CDON: variants seen among roughly 807,000 people sequenced by gnomAD.
CDON encodes the protein cell adhesion associated, oncogene regulated.
Under a neutral mutation model 120.9 loss-of-function variants are expected in CDON, and 73 were observed. The ratio of observed to expected loss-of-function variants is 0.60; its 90% CI spans 0.50 to 0.73. CDON has a LOEUF of 0.73. Among genes scored for constraint, CDON ranks in the 30% least tolerant of loss-of-function variants. The pLI, the probability that CDON is intolerant of heterozygous loss-of-function variation, is 0.00. For synonymous variants in CDON, 566 were observed against 573.5 expected, an observed-to-expected ratio of 0.99 and a Z score of 0.19; for missense variants, 1,470 against 1,587.3, an observed-to-expected ratio of 0.93 and a Z score of 1.26.
intron 8 of CDON, among the ~76,000 whole-genome samples, chr11:126,007,692 C>CT (rs1433618311): frequency 6.6e-6 from 1 of 152,152 alleles, no homozygotes; most frequent in Non-Finnish European, 1.5e-5. Flanking sequence ...TCTCCACTGT[C>CT]TGAGTATCAA....
intron 15 of CDON, among the ~76,000 whole-genome samples, chr11:125,988,367 A>G (rs886275151): frequency 1.3e-5 from 2 of 152,186 alleles, no homozygotes; most frequent in Non-Finnish European, 2.9e-5. Context: ...CAGGAAAGAC[A>G]GAAAAAAATG....
intron 1 of CDON, among the ~76,000 whole-genome samples, chr11:126,032,113 A>G (rs972311313): frequency 6.6e-6 from 1 of 152,306 alleles, no homozygotes; most frequent in African/African-American, 2.4e-5. Flanking sequence ...TTTTTAGGAA[A>G]TAAAGGTTTT....
At chr11:125,994,792 G>T in intron 13 of CDON, 79 bp downstream of exon 13, 1 of 1,268,042 alleles carries the variant, frequency 7.9e-7, no homozygotes, top group Non-Finnish European at 1.1e-6. Flanking sequence ...GCTGTTTACT[G>T]TATTGTGTCA....
At chr11:126,038,162 C>A (rs1948151845) in intron 1 of CDON, among the ~76,000 whole-genome samples, 1 of 152,092 alleles carries the variant, frequency 6.6e-6, no homozygotes, top group Non-Finnish European at 1.5e-5. Context: ...TTCTAAGAAC[C>A]TGGAGAGGCG....
At chr11:125,997,479 G>T in intron 11 of CDON, 69 bp from the exon 12 acceptor site, 1 of 1,188,696 alleles carries the variant, frequency 8.4e-7, no homozygotes, top group Admixed American at 2.0e-5. Flanking sequence ...TTAAATTAAA[G>T]GGATAAGTCC....
chr11:125,974,076 AG>A, intron 18 of CDON, among the ~76,000 whole-genome samples: 1 of 151,672 alleles, frequency 6.6e-6, no homozygotes, highest in East Asian at 1.9e-4. Context: ...TTGTATTTTT[AG>A]TAGAGATGGG....
chr11:125,960,962 G>GAAGGACCTCTGTCGGGCTGTCTA lies in CDON; in HGVS notation c.3752_3774dup (p.Gln1259Ter). ...TGTCCTCAGGTTTCCCGGGGCTGCT[G>GAAGGACCTCTGTCGGGCTGTCTA]AAGGACCTCTGTCGGGCTGTCTAAA... is the stretch of plus-strand genomic sequence containing the variant. On this transcript the variant is annotated stop_gained and frameshift_variant, in exon 20 of 20. Coordinates refer to ENST00000531738, the MANE Select transcript of CDON (RefSeq NM_001378964.1). LOFTEE classifies it high-confidence loss of function. 1 of 1,614,228 alleles carries GAAGGACCTCTGTCGGGCTGTCTA rather than the reference G, an allele frequency of 6.2e-7. No individual in the cohort carries two copies. Among genetic ancestry groups the GAAGGACCTCTGTCGGGCTGTCTA allele is most frequent in the Non-Finnish European group, 8.5e-7 (1 of 1,180,046 alleles).
Position 126,004,066 on chromosome 11 carries a change from C to T in CDON, c.1862G>A (p.Gly621Glu). ...YFVKYRKLDDGVGMLGSWHTV... is the reference protein window; with the variant it reads ...YFVKYRKLDDEVGMLGSWHTV... ...GTGCCAGCTTCCCAGCATGCCAACC[C>T]CATCATCCAGCTGCCCAAGAGAAAA... Residue 621 changes from glycine (G) to glutamate (E), a missense_variant, in exon 10 of 20, where the codon GGG (glycine) becomes GAG (glutamate). Physicochemically the swap from Gly to Glu is moderately conservative, Grantham distance 98 (BLOSUM62 -2). Coordinates refer to ENST00000531738, the MANE Select transcript of CDON (RefSeq NM_001378964.1). 6.2e-7 allele frequency: 1 copy of T among 1,613,876 alleles called. No individual in the cohort carries two copies. Among genetic ancestry groups the T allele is most frequent in the Non-Finnish European group, 8.5e-7 (1 of 1,179,978 alleles).
At chr11:125,972,300 C>G (rs528609331) in intron 18 of CDON, among the ~76,000 whole-genome samples, 1 of 152,124 alleles carries the variant, frequency 6.6e-6, no homozygotes, top group Admixed American at 6.5e-5. Flanking sequence ...TGGTGCCACA[C>G]GCCTGTAATT....
rs138735624 is a variant in CDON, at chr11:126,043,427, G to A, written c.-62+19152C>T. 3.4e-3 allele frequency among the ~76,000 whole-genome samples: 511 copies of A among 152,190 alleles called. 7 individuals are homozygous for A. Among genetic ancestry groups the A allele is most frequent in the African/African-American group, 0.011 (449 of 41,526 alleles). ...TCGTTTTCAGTAAATCCCTACTTTC[G>A]TTCTTTTGTTGCTTCATTCTTTCTT... On this transcript the variant is annotated intron_variant, in intron 1 of 19. Transcript: ENST00000531738.
chr11:126,020,098 G>A (rs1947591293), intron 3 of CDON, among the ~76,000 whole-genome samples: 1 of 152,122 alleles, frequency 6.6e-6, no homozygotes, highest in South Asian at 2.1e-4. Context: ...TGGGGCACAT[G>A]TGCATGGTTG....
intron 18 of CDON, among the ~76,000 whole-genome samples, chr11:125,967,748 C>T (rs1381542827): frequency 6.6e-6 from 1 of 152,188 alleles, no homozygotes; most frequent in Non-Finnish European, 1.5e-5. Flanking sequence ...GTGATCCTCC[C>T]ACCTTAGCCT....
In CDON at chr11:125,973,457, G is replaced by A. The variant is rs1565494876; in HGVS notation, c.3356+4847C>T. On this transcript the variant is annotated intron_variant, in intron 18 of 19. Coordinates refer to ENST00000531738, the MANE Select transcript of CDON (RefSeq NM_001378964.1). ...TGAGGCAGAGAATTGCTTGAACCCG[G>A]GAGGTGGAGGTTGCAGTGAGCCAAG... is the stretch of plus-strand genomic sequence containing the variant. Among the ~76,000 whole-genome samples, 6 of 152,186 alleles carry A rather than the reference G, an allele frequency of 3.9e-5. No individual in the cohort carries two copies. The South Asian group carries it at 1.2e-3, about 32-fold the overall frequency.
At chr11:126,044,306 C>T (rs1948345873) in intron 1 of CDON, among the ~76,000 whole-genome samples, 1 of 151,814 alleles carries the variant, frequency 6.6e-6, no homozygotes, top group Admixed American at 6.6e-5. Flanking sequence ...AAGTGGCTGC[C>T]CTGCAAAATA....
intron 17 of CDON, among the ~76,000 whole-genome samples, chr11:125,980,382 T>C (rs1351161888): frequency 6.6e-6 from 1 of 152,150 alleles, no homozygotes; most frequent in Non-Finnish European, 1.5e-5. Flanking sequence ...ACAAAACATA[T>C]TGGGCAAAAC....
rs1454037198 is a variant in CDON at position 126,005,318 on chromosome 11, ACAAACAAACAAAC to A, written c.1851+428_1851+440del. The A allele has an allele frequency of 6.7e-4, 17 of 25,458 alleles. 1 individual carries two copies. Among genetic ancestry groups the A allele is most frequent in the African/African-American group, 2.0e-3 (14 of 7,026 alleles). The allele number at this position is 25,458 out of a possible 1,614,324, so 1.6% of individuals were successfully genotyped here. On this transcript the variant is annotated intron_variant, in intron 9 of 19. Transcript: ENST00000531738. The stretch of plus-strand genomic sequence containing the variant: ...CCCTGTCTCAAAAAAAAAAAAAAAA[ACAAACAAACAAAC>A]AAAAAAAAACTTGAAATGCAAACAA...
At chr11:126,048,945 C>T (rs1341868169) in intron 1 of CDON, among the ~76,000 whole-genome samples, 3 of 152,144 alleles carry the variant, frequency 2.0e-5, no homozygotes, top group South Asian at 2.1e-4. Context: ...TCAGGTGATC[C>T]GCCCACCTCG....
chr11:125,981,970 C>CTTTTTTTTTTT (rs61446837), intron 16 of CDON, among the ~76,000 whole-genome samples: 1,317 of 54,298 alleles, frequency 0.024, 304 homozygotes, highest in East Asian at 0.037. Context: ...ATTCTATTTT[C>CTTTTTTTTTTT]TTTTTTTTTT....
At chr11:125,997,128 A>G in intron 12 of CDON, 79 bp downstream of exon 12, 2 of 1,161,104 alleles carry the variant, frequency 1.7e-6, no homozygotes, top group Non-Finnish European at 2.6e-6. Context: ...CAACAGAGTG[A>G]GACCCTGTCT....
Sources: allele counts gnomAD v4.1 joint callset (sites outside exome capture counted in the v4.1 genomes callset), GRCh38; gene constraint gnomAD v4.1.1; transcripts MANE v1.5; gene names NCBI Gene and HGNC (gene_info 2026-07-23, HGNC 2026-07-21).